The following GALNTL6 variants were observed in gnomAD, a reference collection of about 807,000 sequenced individuals.
GALNTL6 encodes the protein polypeptide N-acetylgalactosaminyltransferase like 6, also known as polypeptide N-acetylgalactosaminyltransferase-like 6.
GALNTL6 carries 46 observed loss-of-function variants against 73.7 expected under a neutral mutation model. The ratio of observed to expected loss-of-function variants is 0.62; its 90% CI spans 0.49 to 0.80. The LOEUF (loss-of-function observed/expected upper bound fraction) is 0.80, where lower values mean the gene tolerates loss of function less well. Among genes scored for constraint, GALNTL6 ranks in the 30% least tolerant of loss-of-function variants. The pLI, the probability that GALNTL6 is intolerant of heterozygous loss-of-function variation, is 0.00. For missense variants in GALNTL6, 604 were observed against 755.0 expected, an observed-to-expected ratio of 0.80 and a Z score of 2.34; for synonymous variants, 259 against 263.7, an observed-to-expected ratio of 0.98 and a Z score of 0.17.
At chr4:172,267,836 A>T (rs1738501292) in intron 3 of GALNTL6, among the ~76,000 whole-genome samples, 1 of 152,154 alleles carries the variant, frequency 6.6e-6, no homozygotes, top group Non-Finnish European at 1.5e-5. Flanking sequence ...CTACATCTAA[A>T]CATTAGTGGA....
intron 8 of GALNTL6, among the ~76,000 whole-genome samples, chr4:172,905,268 A>G (rs1481845457): frequency 6.6e-6 from 1 of 152,214 alleles, no homozygotes; most frequent in African/African-American, 2.4e-5. Flanking sequence ...AATTTATTTT[A>G]GCTGGAGAAA....
intron 2 of GALNTL6, among the ~76,000 whole-genome samples, chr4:171,959,896 C>T (rs1243961365): frequency 6.6e-6 from 1 of 152,108 alleles, no homozygotes; most frequent in Non-Finnish European, 1.5e-5. Context: ...TTTAGAAGAC[C>T]TTCATATTTC....
At chr4:172,217,311 A>C (rs944234619) in intron 2 of GALNTL6, among the ~76,000 whole-genome samples, 9 of 152,190 alleles carry the variant, frequency 5.9e-5, no homozygotes, top group Admixed American at 4.6e-4. Context: ...ACATAATGTT[A>C]CGCAGGAGTC....
intron 5 of GALNTL6, among the ~76,000 whole-genome samples, chr4:172,495,604 T>C (rs11132947): frequency 0.2 from 29,831 of 152,128 alleles, 3,191 homozygotes; most frequent in African/African-American, 0.26. Context: ...TATACGGTTC[T>C]GCTGCTGGAC....
intron 5 of GALNTL6, among the ~76,000 whole-genome samples, chr4:172,731,014 A>G (rs1579407110): frequency 6.7e-6 from 1 of 150,004 alleles, no homozygotes; most frequent in Non-Finnish European, 1.5e-5. Context: ...CAAGAGGTGG[A>G]GGTTGTAGTA....
At chr4:172,341,467 A>G (rs1222039467) in intron 4 of GALNTL6, among the ~76,000 whole-genome samples, 1 of 151,902 alleles carries the variant, frequency 6.6e-6, no homozygotes. Context: ...AAAAAAAAAA[A>G]AAAAAAAAAA....
intron 5 of GALNTL6, among the ~76,000 whole-genome samples, chr4:172,557,099 C>A (rs1337296573): frequency 6.6e-6 from 1 of 151,992 alleles, no homozygotes; most frequent in Non-Finnish European, 1.5e-5. Flanking sequence ...CTTATGTAAC[C>A]CTTTCGTTGC....
intron 2 of GALNTL6, among the ~76,000 whole-genome samples, chr4:172,193,902 CA>C (rs1406745861): frequency 6.6e-6 from 1 of 151,898 alleles, no homozygotes; most frequent in Non-Finnish European, 1.5e-5. Context: ...AAAAAAATGC[CA>C]AAAACTCAAA....
At chr4:171,972,588 CTATATT>C (rs1434173887) in intron 2 of GALNTL6, among the ~76,000 whole-genome samples, 1 of 151,756 alleles carries the variant, frequency 6.6e-6, no homozygotes, top group Non-Finnish European at 1.5e-5. Flanking sequence ...ATTTTTTAAA[CTATATT>C]TATTTCAAAC....
intron 4 of GALNTL6, among the ~76,000 whole-genome samples, chr4:172,347,769 T>C (rs572606956): frequency 2.0e-5 from 3 of 152,306 alleles, no homozygotes; most frequent in Admixed American, 6.5e-5. Context: ...TCTGAATATG[T>C]CAAAATTTAC....
intron 9 of GALNTL6, among the ~76,000 whole-genome samples, chr4:172,941,884 A>G (rs1748938345): frequency 6.6e-6 from 1 of 152,220 alleles, no homozygotes; most frequent in African/African-American, 2.4e-5. Context: ...TCATGGAATT[A>G]ACTTCTTCCC....
intron 2 of GALNTL6, among the ~76,000 whole-genome samples, chr4:172,198,662 A>G (rs1022801348): frequency 5.3e-5 from 8 of 152,188 alleles, no homozygotes; most frequent in Non-Finnish European, 8.8e-5. Context: ...GTTGCCAGTA[A>G]GTAATTATCT....
chr4:171,925,571 T>G (rs1427588712), intron 2 of GALNTL6, among the ~76,000 whole-genome samples: 1 of 152,192 alleles, frequency 6.6e-6, no homozygotes, highest in Non-Finnish European at 1.5e-5. Flanking sequence ...CAACCTTACT[T>G]AGACTTTGAA....
chr4:172,380,164 G>T (rs1475840887), intron 5 of GALNTL6: 4 of 1,039,906 alleles, frequency 3.8e-6, no homozygotes, highest in Non-Finnish European at 6.1e-6. Context: ...ACAAGGCCTG[G>T]ATCCGTAGCA....
chr4:171,965,926 A>G (rs1739370990), intron 2 of GALNTL6, among the ~76,000 whole-genome samples: 1 of 152,188 alleles, frequency 6.6e-6, no homozygotes, highest in Admixed American at 6.5e-5. Context: ...CCAAATAAGG[A>G]TGGTTCAACT....
intron 12 of GALNTL6, among the ~76,000 whole-genome samples, chr4:173,033,008 C>CT (rs970655299): frequency 6.3e-4 from 94 of 149,326 alleles, no homozygotes; most frequent in South Asian, 1.7e-3. Context: ...TATTTCTTTT[C>CT]TTTTTTTTTT....
intron 2 of GALNTL6, among the ~76,000 whole-genome samples, chr4:172,168,428 G>A (rs866817906): frequency 8.5e-5 from 13 of 152,090 alleles, no homozygotes; most frequent in Non-Finnish European, 1.3e-4. Flanking sequence ...TTATTTAACT[G>A]TTTCCTTTAT....
intron 5 of GALNTL6, among the ~76,000 whole-genome samples, chr4:172,532,700 T>G (rs895532262): frequency 6.6e-6 from 1 of 152,178 alleles, no homozygotes. Context: ...ATAGTCACTT[T>G]TGTGAGTTTT....
intron 2 of GALNTL6, among the ~76,000 whole-genome samples, chr4:171,835,444 T>C (rs1382366682): frequency 1.3e-5 from 2 of 151,348 alleles, no homozygotes; most frequent in African/African-American, 2.4e-5. Context: ...ATAGTTTATT[T>C]ATAACTATAG....
Sources: allele counts gnomAD v4.1 joint callset (sites outside exome capture counted in the v4.1 genomes callset), GRCh38; gene constraint gnomAD v4.1.1; transcripts MANE v1.5; gene names NCBI Gene and HGNC (gene_info 2026-07-23, HGNC 2026-07-21).